Variants in BMPR1B observed in about 807,000 individuals in gnomAD.
The protein encoded by BMPR1B is bone morphogenetic protein receptor type 1B.
A neutral mutation model predicts 59.1 loss-of-function variants in BMPR1B; 12 were observed. The observed-to-expected ratio is 0.20, with a 90% confidence interval of 0.13 to 0.33. The LOEUF is 0.33. BMPR1B is among the 10% of genes least tolerant of loss of function. The probability of loss-of-function intolerance (pLI) is 1.00; values close to 1 mark genes in which losing one functional copy is unlikely to be tolerated. For synonymous variants in BMPR1B, 237 were observed against 207.3 expected, an observed-to-expected ratio of 1.14 and a Z score of -1.23; for missense variants, 550 against 610.9, an observed-to-expected ratio of 0.90 and a Z score of 1.05.
intron 1 of BMPR1B, among the ~76,000 whole-genome samples, chr4:94,868,782 G>A (rs539148537): frequency 2.0e-5 from 3 of 152,326 alleles, no homozygotes; most frequent in African/African-American, 7.2e-5. Flanking sequence ...CAAAGGTGTT[G>A]CACAGGATGA....
intron 1 of BMPR1B, among the ~76,000 whole-genome samples, chr4:94,865,130 C>T (rs1410914646): frequency 6.6e-6 from 1 of 151,934 alleles, no homozygotes; most frequent in Non-Finnish European, 1.5e-5. Flanking sequence ...CTGCCTCAGC[C>T]TCCCGAGTAG....
intron 1 of BMPR1B, among the ~76,000 whole-genome samples, chr4:94,783,316 T>C (rs2110589885): frequency 6.6e-6 from 1 of 152,304 alleles, no homozygotes; most frequent in African/African-American, 2.4e-5. Context: ...CTCTTAACTC[T>C]TTTCCTAGTT....
At chr4:94,980,947 A>T (rs1721027784) in intron 2 of BMPR1B, among the ~76,000 whole-genome samples, 1 of 151,850 alleles carries the variant, frequency 6.6e-6, no homozygotes, top group South Asian at 2.1e-4. Context: ...GTGAGCCGAG[A>T]TTGCATTACT....
intron 2 of BMPR1B, among the ~76,000 whole-genome samples, chr4:94,897,487 C>T (rs772592267): frequency 6.6e-6 from 1 of 151,774 alleles, no homozygotes. Flanking sequence ...CGCTTACCAC[C>T]GAGTATCTGG....
chr4:95,079,068 A>G (rs929819794), intron 3 of BMPR1B, among the ~76,000 whole-genome samples: 19 of 152,012 alleles, frequency 1.2e-4, no homozygotes, highest in Admixed American at 4.6e-4. Context: ...CAAAATCTCT[A>G]TTTCTTGAGT....
At chr4:95,066,979 C>A (rs1009053455) in intron 3 of BMPR1B, among the ~76,000 whole-genome samples, 2 of 152,058 alleles carry the variant, frequency 1.3e-5, no homozygotes, top group African/African-American at 4.8e-5. Flanking sequence ...TCTTATTTTT[C>A]TAGTAGAGGA....
intron 3 of BMPR1B, among the ~76,000 whole-genome samples, chr4:95,046,585 C>T (rs993117146): frequency 1.3e-5 from 2 of 152,128 alleles, no homozygotes; most frequent in Non-Finnish European, 1.5e-5. Flanking sequence ...AGCAAAGACT[C>T]CGTAAATCTA....
intron 1 of BMPR1B, among the ~76,000 whole-genome samples, chr4:94,790,826 C>T (rs1448753718): frequency 6.6e-6 from 1 of 152,134 alleles, no homozygotes; most frequent in Non-Finnish European, 1.5e-5. Context: ...TTATTTTTAT[C>T]ACGATGAGTG....
intron 1 of BMPR1B, among the ~76,000 whole-genome samples, chr4:94,838,597 G>A (rs1230379504): frequency 7.1e-6 from 1 of 140,652 alleles, no homozygotes; most frequent in Admixed American, 7.0e-5. Flanking sequence ...TGTTGGATCG[G>A]TGGTGATATC....
At chr4:94,796,192 T>C (rs1325432274) in intron 1 of BMPR1B, among the ~76,000 whole-genome samples, 1 of 152,188 alleles carries the variant, frequency 6.6e-6, no homozygotes, top group Non-Finnish European at 1.5e-5. Context: ...CTCGGACTCC[T>C]GACCTCAAGT....
At chr4:95,067,207 A>G (rs1003376428) in intron 3 of BMPR1B, among the ~76,000 whole-genome samples, 2 of 152,176 alleles carry the variant, frequency 1.3e-5, no homozygotes, top group East Asian at 3.8e-4. Context: ...TTACAGATTT[A>G]ATAGGGCCTA....
chr4:95,124,961 A>G, intron 7 of BMPR1B, 22 bp from the exon 8 acceptor site: 4 of 1,603,320 alleles, frequency 2.5e-6, no homozygotes, highest in Non-Finnish European at 3.4e-6. Context: ...ATCTAAAATT[A>G]TCTTCATCTA....
intron 3 of BMPR1B, among the ~76,000 whole-genome samples, chr4:95,002,938 T>A (rs1722554811): frequency 6.6e-6 from 1 of 152,046 alleles, no homozygotes; most frequent in Non-Finnish European, 1.5e-5. Flanking sequence ...ATTTATATAC[T>A]TATTCTTTTT....
At chr4:95,125,953 C>T (rs1732876732) in intron 8 of BMPR1B, among the ~76,000 whole-genome samples, 1 of 152,142 alleles carries the variant, frequency 6.6e-6, no homozygotes, top group African/African-American at 2.4e-5. Flanking sequence ...GCTCTAGCAT[C>T]ACCTTTGAGT....
intron 8 of BMPR1B, among the ~76,000 whole-genome samples, chr4:95,127,946 G>A (rs1733023540): frequency 6.6e-6 from 1 of 151,102 alleles, no homozygotes; most frequent in Admixed American, 6.6e-5. Flanking sequence ...GTGTTGTGGT[G>A]CGATCTTGTC....
At chr4:94,983,821 A>G (rs375653218) in intron 2 of BMPR1B, among the ~76,000 whole-genome samples, 14 of 152,190 alleles carry the variant, frequency 9.2e-5, no homozygotes, top group East Asian at 5.8e-4. Flanking sequence ...CCTTTGCCGT[A>G]TTGTAATTGT....
intron 2 of BMPR1B, among the ~76,000 whole-genome samples, chr4:94,902,453 T>C (rs1264631606): frequency 6.6e-6 from 1 of 151,958 alleles, no homozygotes; most frequent in Non-Finnish European, 1.5e-5. Flanking sequence ...ATTATTTATC[T>C]CTAGAGAGGA....
At chr4:94,910,068 C>A (rs902593132) in intron 2 of BMPR1B, among the ~76,000 whole-genome samples, 2 of 151,982 alleles carry the variant, frequency 1.3e-5, no homozygotes, top group East Asian at 3.9e-4. Context: ...AAAAAAGAGC[C>A]TTTAAAAGAC....
At chr4:94,817,114 C>T (rs1028203319) in intron 1 of BMPR1B, among the ~76,000 whole-genome samples, 5 of 152,196 alleles carry the variant, frequency 3.3e-5, no homozygotes. Context: ...AAGGCTCCAT[C>T]TTGAAGCCAA....
Sources: allele counts gnomAD v4.1 joint callset (sites outside exome capture counted in the v4.1 genomes callset), GRCh38; gene constraint gnomAD v4.1.1; transcripts MANE v1.5; gene names NCBI Gene and HGNC (gene_info 2026-07-23, HGNC 2026-07-21).